KCTD1: variants seen among roughly 807,000 people sequenced by gnomAD.
KCTD1 encodes the protein potassium channel tetramerization domain containing 1.
A neutral mutation model predicts 66.0 loss-of-function variants in KCTD1; 24 were observed. That is an observed-to-expected ratio of 0.36 (90% CI 0.26 to 0.51). The LOEUF (loss-of-function observed/expected upper bound fraction) is 0.51, where lower values mean the gene tolerates loss of function less well. Ranked by LOEUF, KCTD1 falls within the 20% of genes least tolerant of loss-of-function variation. The pLI is 0.95. For synonymous variants in KCTD1, 511 were observed against 517.2 expected (o/e 0.99, Z 0.16); for missense variants, 943 against 1,205.2 (o/e 0.78, Z 3.22).
chr18:26,486,207 G>A (rs1036295220), intron 2 of KCTD1, among the ~76,000 whole-genome samples: 8 of 152,126 alleles, frequency 5.3e-5, no homozygotes, highest in African/African-American at 1.9e-4. Context: ...CACTGCACCC[G>A]GCCCTGATTT....
In KCTD1 at chr18:26,648,324, C is replaced by T. The variant is rs543230245; in HGVS notation, c.9+9036G>A. Among the ~76,000 whole-genome samples, 21 of 152,226 alleles carry T rather than the reference C, an allele frequency of 1.4e-4. 2 individuals are homozygous for T. Among genetic ancestry groups the T allele is most frequent in the African/African-American group, 4.6e-4 (19 of 41,542 alleles). On this transcript the variant is annotated intron_variant, in intron 1 of 4. Coordinates refer to the KCTD1 transcript ENST00000580191. ...GGCTCCTGATGAAAATTTTAAAGAG[C>T]AAGACAATTTAAAAAATGTTTACAT... is the stretch of plus-strand genomic sequence containing the variant.
chr18:26,638,507 T>G (rs1248953857), intron 1 of KCTD1, among the ~76,000 whole-genome samples: 1 of 152,238 alleles, frequency 6.6e-6, no homozygotes, highest in African/African-American at 2.4e-5. Context: ...GCCCCCATTT[T>G]GGGGTCAGTT....
At chr18:26,557,952 T>C (rs889513414) in intron 1 of KCTD1, among the ~76,000 whole-genome samples, 1 of 152,212 alleles carries the variant, frequency 6.6e-6, no homozygotes, top group Non-Finnish European at 1.5e-5. Context: ...AAACTCCCCA[T>C]AGTCTTGCCA....
chr18:26,536,750 T>C (rs748061505), intron 1 of KCTD1, among the ~76,000 whole-genome samples: 4 of 152,190 alleles, frequency 2.6e-5, no homozygotes, highest in Non-Finnish European at 5.9e-5. Flanking sequence ...AAGTGCTCAA[T>C]AAATGCTTTC....
chr18:26,541,700 T>C (rs1199157723), intron 1 of KCTD1, among the ~76,000 whole-genome samples: 2 of 152,184 alleles, frequency 1.3e-5, no homozygotes, highest in African/African-American at 2.4e-5. Context: ...AGTGTGGGCA[T>C]TGCAGGGTCT....
chr18:26,528,461 C>G (rs944094152), intron 1 of KCTD1, among the ~76,000 whole-genome samples: 6 of 152,204 alleles, frequency 3.9e-5, no homozygotes, highest in Admixed American at 3.9e-4. Flanking sequence ...TATACTCCGC[C>G]ATCTCTCTTG....
At chr18:26,493,580 A>C (rs565414608) in intron 2 of KCTD1, among the ~76,000 whole-genome samples, 1 of 152,272 alleles carries the variant, frequency 6.6e-6, no homozygotes, top group South Asian at 2.1e-4. Context: ...TTGTGTGTAC[A>C]TAGTAGGTAT....
chr18:26,486,803 T>C (rs1981942743), intron 2 of KCTD1, among the ~76,000 whole-genome samples: 1 of 152,220 alleles, frequency 6.6e-6, no homozygotes, highest in South Asian at 2.1e-4. Flanking sequence ...TATGACACTA[T>C]GAGAGGAGTA....
At chr18:26,554,900 A>G (rs962725348) in intron 1 of KCTD1, among the ~76,000 whole-genome samples, 4 of 152,214 alleles carry the variant, frequency 2.6e-5, no homozygotes, top group African/African-American at 9.6e-5. Flanking sequence ...TTAATAAAGA[A>G]GTCAAATGTA....
intron 1 of KCTD1, among the ~76,000 whole-genome samples, chr18:26,618,506 G>A (rs1264844050): frequency 1.3e-5 from 2 of 152,120 alleles, no homozygotes; most frequent in African/African-American, 4.8e-5. Context: ...CAGAATAAAC[G>A]ATGCCTCTCT....
chr18:26,584,730 C>T (rs957500196), intron 1 of KCTD1, among the ~76,000 whole-genome samples: 3 of 152,074 alleles, frequency 2.0e-5, no homozygotes, highest in Admixed American at 6.5e-5. Flanking sequence ...GGCTCCCGAC[C>T]ACACTGGCTG....
intron 1 of KCTD1, among the ~76,000 whole-genome samples, chr18:26,537,047 C>G (rs1285867795): frequency 2.0e-5 from 3 of 151,922 alleles, no homozygotes. Flanking sequence ...TTATAAAAGA[C>G]GAACATGTGA....
chr18:26,556,353 GT>G (rs1434479859), intron 1 of KCTD1, among the ~76,000 whole-genome samples: 1 of 152,122 alleles, frequency 6.6e-6, no homozygotes, highest in Non-Finnish European at 1.5e-5. Context: ...CATTCTTCAT[GT>G]TTAGTCTTCC....
intron 1 of KCTD1, among the ~76,000 whole-genome samples, chr18:26,577,303 G>C (rs189837569): frequency 4.4e-4 from 67 of 152,174 alleles, no homozygotes; most frequent in Non-Finnish European, 1.5e-4. Context: ...CATTTATTCT[G>C]TCCAATGTCT....
In KCTD1 at chr18:26,562,385, C is replaced by A. The variant is rs180787522; in HGVS notation, c.-15-61135G>T. Among the ~76,000 whole-genome samples, 678 of 140,700 alleles carry A rather than the reference C, an allele frequency of 4.8e-3. 4 individuals carry two copies. The highest frequency in any genetic ancestry group is 0.017 in the African/African-American group (640 of 37,258). 92.3% of individuals were successfully genotyped at this position (140,700 alleles called of 152,430 possible). A position where few individuals can be genotyped will look rare whatever the true frequency, so the allele number is the denominator to read the frequency against. On this transcript the variant is annotated intron_variant, in intron 1 of 4. Transcript: ENST00000317932. ...CAGCTGGAATTACGGGCACACATCA[C>A]CATGCTCGGCTAATTTTTATTTTTT...
intron 1 of KCTD1, among the ~76,000 whole-genome samples, chr18:26,538,466 G>A (rs141821583): frequency 1.1e-3 from 170 of 152,092 alleles, no homozygotes; most frequent in African/African-American, 4.0e-3. Flanking sequence ...CTGAGATTTC[G>A]TATCTCCCAG....
chr18:26,629,865 C>A (rs1050902824), upstream of KCTD1, among the ~76,000 whole-genome samples: 1 of 151,984 alleles, frequency 6.6e-6, no homozygotes, highest in African/African-American at 2.4e-5. Flanking sequence ...TTATAGATGT[C>A]TGCCACCATG....
At position 26,468,554 on chromosome 18, in the gene KCTD1, G is replaced by C. The variant is rs531402440; in HGVS notation, c.2133+7961C>G. 6.6e-6 allele frequency among the ~76,000 whole-genome samples: 1 copy of C among 152,246 alleles called. No homozygotes were observed. Among genetic ancestry groups the C allele is most frequent in the African/African-American group, 2.4e-5 (1 of 41,552 alleles). ...TCATGCAAAAAACCATGTCCTGGCC[G>C]GGCGCGGTGGCTCACACCTATAATC... is the stretch of plus-strand genomic sequence containing the variant. On this transcript the variant is annotated intron_variant, in intron 3 of 4. Transcript: ENST00000580059. The surrounding 1 kb of genome is among the most constrained non-coding windows in gnomAD (Gnocchi z 4.8).
At chr18:26,462,354 G>A (rs745568234) in intron 3 of KCTD1, among the ~76,000 whole-genome samples, 13 of 152,192 alleles carry the variant, frequency 8.5e-5, no homozygotes, top group Non-Finnish European at 1.8e-4. Context: ...TGGGCCTAGC[G>A]CTGAACTGCT....
Sources: gnomAD v4.1 joint callset for allele counts (sites outside exome capture counted in the v4.1 genomes callset) on GRCh38, gnomAD v4.1.1 for gene constraint, Gnocchi (gnomAD v3.1) non-coding constraint, MANE v1.5 for transcripts, NCBI Gene and HGNC (gene_info 2026-07-23, HGNC 2026-07-21) for gene names.